The following IGF2BP3 variants were observed in gnomAD, a reference collection of about 807,000 sequenced individuals.
IGF2BP3 encodes the protein insulin like growth factor 2 mRNA binding protein 3.
IGF2BP3 carries 9 observed loss-of-function variants against 73.8 expected under a neutral mutation model. The observed-to-expected ratio is 0.12, with a 90% CI of 0.07 to 0.21. The LOEUF (loss-of-function observed/expected upper bound fraction) is 0.21. IGF2BP3 is among the 10% of genes least tolerant of loss of function. The probability of loss-of-function intolerance (pLI) is 1.00; values close to 1 mark genes in which losing one functional copy is unlikely to be tolerated. For synonymous variants in IGF2BP3, 258 were observed against 256.7 expected (o/e 1.01, Z -0.05); for missense variants, 542 against 714.0 (o/e 0.76, Z 2.75).
chr7:23,449,596 G>A (rs548584049), intron 2 of IGF2BP3, among the ~76,000 whole-genome samples: 6 of 124,274 alleles, frequency 4.8e-5, no homozygotes, highest in Non-Finnish European at 9.5e-5. Flanking sequence ...TCACTCTGTC[G>A]CCCTGGCTGG....
intron 10 of IGF2BP3, among the ~76,000 whole-genome samples, chr7:23,339,749 C>A (rs188015551): frequency 1.7e-4 from 26 of 152,230 alleles, no homozygotes; most frequent in African/African-American, 4.8e-4. Flanking sequence ...GGGTTAGATG[C>A]GAGCTTTCCT....
rs569541277 is a variant in IGF2BP3, at chr7:23,382,380, T to G, written c.286-20639A>C. Among the ~76,000 whole-genome samples the G allele has an allele frequency of 4.6e-5, 7 of 152,186 alleles. No homozygotes were observed. The East Asian group carries it at 1.4e-3, about 29-fold the overall frequency. On this transcript the variant is annotated intron_variant, in intron 3 of 14. Coordinates refer to ENST00000258729, the MANE Select transcript of IGF2BP3 (RefSeq NM_006547.3). ...ACTGTAGTTTGAGTAAAATGAAATTTGATCTTACCAGGTTTTTTTTTTTCC... is the reference window on the plus strand; with the variant it reads ...ACTGTAGTTTGAGTAAAATGAAATTGGATCTTACCAGGTTTTTTTTTTTCC...
At chr7:23,369,398 C>T (rs1247366967) in intron 3 of IGF2BP3, among the ~76,000 whole-genome samples, 3 of 152,186 alleles carry the variant, frequency 2.0e-5, no homozygotes, top group Non-Finnish European at 4.4e-5. Context: ...CCTCATTACC[C>T]TCTGTCTATA....
At chr7:23,379,642 T>C (rs1785844506) in intron 3 of IGF2BP3, among the ~76,000 whole-genome samples, 1 of 152,194 alleles carries the variant, frequency 6.6e-6, no homozygotes, top group Admixed American at 6.5e-5. Flanking sequence ...TAAATTGCCC[T>C]CACAGAAGCT....
chr7:23,465,243 A>G (rs979763007), intron 2 of IGF2BP3, among the ~76,000 whole-genome samples: 4 of 152,234 alleles, frequency 2.6e-5, no homozygotes, highest in African/African-American at 9.6e-5. Flanking sequence ...GGTGGAGGGA[A>G]AAAAGTTGAG....
intron 3 of IGF2BP3, among the ~76,000 whole-genome samples, chr7:23,366,997 T>G (rs901719038): frequency 6.7e-6 from 1 of 149,282 alleles, no homozygotes; most frequent in African/African-American, 2.6e-5. Flanking sequence ...GCTTTTTTTT[T>G]TTTTTTTTTT....
In IGF2BP3 at chr7:23,312,355, T is replaced by C. The variant is rs1417383766; in HGVS notation, c.*7A>G. 1 of 1,603,392 alleles carries C rather than the reference T, an allele frequency of 6.2e-7. No homozygotes were observed. Among genetic ancestry groups the C allele is most frequent in the Non-Finnish European group, 8.5e-7 (1 of 1,171,738 alleles). On this transcript the variant is annotated 3_prime_UTR_variant, in exon 15 of 15. Transcript: ENST00000258729. ...TCTGCCTCTGTGGTGGGCTGTTTCC[T>C]GAGCCTTTACTTCCGTCTTGACTGA...
intron 5 of IGF2BP3, among the ~76,000 whole-genome samples, 156 bp from the exon 6 acceptor site, chr7:23,351,742 C>G (rs1280700883): frequency 6.6e-6 from 1 of 152,038 alleles, no homozygotes; most frequent in Non-Finnish European, 1.5e-5. Flanking sequence ...ACACATAATC[C>G]TCCCCTCTCC....
rs1788679223 is a variant in IGF2BP3, at chr7:23,470,051, A to G, written c.60T>C (p.Ser20=). 1.2e-6 allele frequency: 2 copies of G among 1,611,758 alleles called. No individual in the cohort carries two copies. Among genetic ancestry groups the G allele is most frequent in the African/African-American group, 1.3e-5 (1 of 74,944 alleles). Residue 20 remains serine, a synonymous_variant, in exon 1 of 15, where the codon AGT becomes AGC. Coordinates refer to ENST00000258729, the MANE Select transcript of IGF2BP3 (RefSeq NM_006547.3). ...SENAAPSDLE[S]IFKDAKIPVS... is the part of the protein sequence containing the mutation. The stretch of plus-strand genomic sequence containing the variant: ...CCGGGATCTTGGCGTCCTTGAAGAT[A>G]CTTTCTAGGTCCGAGGGGGCGGCGT...
At chr7:23,417,807 C>T (rs1182458625) in intron 3 of IGF2BP3, among the ~76,000 whole-genome samples, 1 of 151,838 alleles carries the variant, frequency 6.6e-6, no homozygotes, top group East Asian at 1.9e-4. Flanking sequence ...AATCTTATAA[C>T]CCACCGTTTC....
At chr7:23,422,568 A>G (rs1314843852) in intron 2 of IGF2BP3, among the ~76,000 whole-genome samples, 2 of 152,174 alleles carry the variant, frequency 1.3e-5, no homozygotes, top group Non-Finnish European at 2.9e-5. Flanking sequence ...CACGCACACA[A>G]AGCAATCCAT....
intron 7 of IGF2BP3, among the ~76,000 whole-genome samples, chr7:23,346,649 G>C (rs1281264977): frequency 6.6e-6 from 1 of 151,306 alleles, no homozygotes; most frequent in Non-Finnish European, 1.5e-5. Flanking sequence ...CAGGCGTGCA[G>C]TGGCGCGATC....
chr7:23,458,839 A>T (rs924166600), intron 2 of IGF2BP3, among the ~76,000 whole-genome samples: 4 of 152,222 alleles, frequency 2.6e-5, no homozygotes, highest in Non-Finnish European at 2.9e-5. Context: ...TTCTGTACTT[A>T]GAGAAGGCAA....
chr7:23,391,028 G>C (rs150127915), intron 3 of IGF2BP3, among the ~76,000 whole-genome samples: 1 of 150,880 alleles, frequency 6.6e-6, no homozygotes, highest in East Asian at 2.0e-4. Flanking sequence ...TGAACCCTTG[G>C]CCTCAAGTGA....
chr7:23,362,935 TG>T (rs1316889618), intron 3 of IGF2BP3, among the ~76,000 whole-genome samples: 14 of 151,812 alleles, frequency 9.2e-5, no homozygotes, highest in African/African-American at 3.1e-4. Context: ...TAAAATTTTT[TG>T]TAGAGATGAG....
At chr7:23,415,413 A>C in intron 3 of IGF2BP3, 1 of 192,194 alleles carries the variant, frequency 5.2e-6, no homozygotes, top group South Asian at 5.9e-5. Flanking sequence ...CCGCATCCGC[A>C]GGTCCCCCTC....
intron 2 of IGF2BP3, among the ~76,000 whole-genome samples, chr7:23,445,871 T>C (rs1788053357): frequency 6.6e-6 from 1 of 152,234 alleles, no homozygotes; most frequent in South Asian, 2.1e-4. Context: ...AATGACCTTA[T>C]TTCCACTAGT....
At chr7:23,336,073 G>A (rs1784565255) in intron 10 of IGF2BP3, among the ~76,000 whole-genome samples, 1 of 151,844 alleles carries the variant, frequency 6.6e-6, no homozygotes. Context: ...TAGAGGCAAG[G>A]GATTTATCCA....
chr7:23,388,791 T>C (rs1786173813), intron 3 of IGF2BP3, among the ~76,000 whole-genome samples: 1 of 152,026 alleles, frequency 6.6e-6, no homozygotes, highest in Non-Finnish European at 1.5e-5. Flanking sequence ...TCTCTGGGGG[T>C]TACAAGTGGG....
Sources: gnomAD v4.1 joint callset for allele counts (sites outside exome capture counted in the v4.1 genomes callset) on GRCh38, gnomAD v4.1.1 for gene constraint, MANE v1.5 for transcripts, NCBI Gene and HGNC (gene_info 2026-07-23, HGNC 2026-07-21) for gene names.